The following DLG2 variants were observed in gnomAD, a reference collection of about 807,000 sequenced individuals.
DLG2 encodes disks large homolog 2.
DLG2 carries 45 observed loss-of-function variants against 132.5 expected under a neutral mutation model. The observed-to-expected ratio is 0.34, with a 90% confidence interval of 0.27 to 0.44. The LOEUF (loss-of-function observed/expected upper bound fraction) is 0.44. DLG2 is among the 20% of genes least tolerant of loss of function. The pLI is 1.00. For synonymous variants in DLG2, 424 were observed against 419.6 expected, an observed-to-expected ratio of 1.01 and a Z score of -0.13; for missense variants, 1,045 against 1,196.9, an observed-to-expected ratio of 0.87 and a Z score of 1.87.
intron 7 of DLG2, among the ~76,000 whole-genome samples, chr11:84,475,482 T>C (rs1039856127): frequency 6.6e-6 from 1 of 152,078 alleles, no homozygotes; most frequent in Non-Finnish European, 1.5e-5. Flanking sequence ...AATAAAGTGG[T>C]CCCAGGGCTG....
At chr11:84,094,514 C>A (rs1010222282) in intron 10 of DLG2, among the ~76,000 whole-genome samples, 3 of 152,118 alleles carry the variant, frequency 2.0e-5, no homozygotes, top group African/African-American at 7.2e-5. Context: ...GTCTGTTGGG[C>A]TATTATAAAA....
At chr11:84,515,738 C>A (rs1394883545) in intron 7 of DLG2, among the ~76,000 whole-genome samples, 4 of 151,728 alleles carry the variant, frequency 2.6e-5, no homozygotes, top group Non-Finnish European at 5.9e-5. Context: ...TCAAATGGAC[C>A]TAAAAGACAT....
In DLG2 at chr11:85,521,850, A is replaced by G. The variant is rs138260110; in HGVS notation, c.40+76807T>C. 7.4e-4 allele frequency among the ~76,000 whole-genome samples: 112 copies of G among 152,258 alleles called. 2 individuals are homozygous for G. The Middle Eastern group carries it at 0.014, about 18-fold the overall frequency. On this transcript the variant is annotated intron_variant, in intron 3 of 27. Coordinates refer to ENST00000376104, the MANE Select transcript of DLG2 (RefSeq NM_001142699.3). ...TTAAACTTGACAGGAATAATTTAGG[A>G]TATCTGGCAGAACACATTTCTAAGT...
At chr11:84,998,297 T>A (rs895558450) in intron 6 of DLG2, among the ~76,000 whole-genome samples, 2 of 152,100 alleles carry the variant, frequency 1.3e-5, no homozygotes, top group African/African-American at 4.8e-5. Flanking sequence ...TCCCCCATCC[T>A]GTCCTCATGA....
chr11:84,472,166 C>T (rs764239582), intron 7 of DLG2, among the ~76,000 whole-genome samples: 4 of 151,762 alleles, frequency 2.6e-5, no homozygotes, highest in Admixed American at 2.6e-4. Flanking sequence ...TATCTTATGG[C>T]TACAATCCCA....
chr11:84,644,603 G>A (rs1209242234), intron 6 of DLG2, among the ~76,000 whole-genome samples: 1 of 151,866 alleles, frequency 6.6e-6, no homozygotes, highest in South Asian at 2.1e-4. Context: ...CTGCTTGGGA[G>A]GCTGAGGTAG....
chr11:85,061,211 G>C (rs2064096915), intron 6 of DLG2, among the ~76,000 whole-genome samples: 1 of 151,700 alleles, frequency 6.6e-6, no homozygotes, highest in Admixed American at 6.6e-5. Context: ...TTGCTGTGCA[G>C]AAGCTTTATA....
chr11:84,544,726 G>C (rs1014204266), intron 6 of DLG2, among the ~76,000 whole-genome samples: 8 of 152,144 alleles, frequency 5.3e-5, no homozygotes, highest in Non-Finnish European at 5.9e-5. Flanking sequence ...TACAAAGATT[G>C]AATGAGATGC....
intron 15 of DLG2, among the ~76,000 whole-genome samples, chr11:83,879,873 T>A (rs564245768): frequency 6.6e-6 from 1 of 152,308 alleles, no homozygotes; most frequent in South Asian, 2.1e-4. Flanking sequence ...CATGTCCAAA[T>A]AACATGGATA....
At chr11:83,516,418 C>G (rs1209082279) in intron 21 of DLG2, among the ~76,000 whole-genome samples, 1 of 152,138 alleles carries the variant, frequency 6.6e-6, no homozygotes, top group Non-Finnish European at 1.5e-5. Flanking sequence ...CTATGTGTGT[C>G]TCTGCACATA....
intron 6 of DLG2, among the ~76,000 whole-genome samples, chr11:84,888,028 C>A (rs550826197): frequency 1.3e-5 from 2 of 152,226 alleles, no homozygotes; most frequent in East Asian, 3.9e-4. Flanking sequence ...ACAACAACAA[C>A]AATACTGTGG....
intron 18 of DLG2, among the ~76,000 whole-genome samples, chr11:83,740,603 A>G (rs190305057): frequency 2.3e-4 from 35 of 152,320 alleles, no homozygotes; most frequent in Admixed American, 1.2e-3. Flanking sequence ...CATAAGCTGT[A>G]TACTTCTGAT....
intron 6 of DLG2, among the ~76,000 whole-genome samples, chr11:84,942,813 G>A (rs564462344): frequency 6.6e-6 from 1 of 152,108 alleles, no homozygotes; most frequent in Non-Finnish European, 1.5e-5. Context: ...TGCTGAAAGT[G>A]GGGTGTTGAG....
At chr11:83,926,401 T>C (rs902494267) in intron 15 of DLG2, among the ~76,000 whole-genome samples, 2 of 152,270 alleles carry the variant, frequency 1.3e-5, no homozygotes, top group East Asian at 1.9e-4. Context: ...GTTTCTGGAA[T>C]AGACTTCAGG....
At chr11:84,043,915 A>G (rs2096171413) in intron 11 of DLG2, among the ~76,000 whole-genome samples, 1 of 151,588 alleles carries the variant, frequency 6.6e-6, no homozygotes, top group South Asian at 2.1e-4. Flanking sequence ...TTTTAATTGA[A>G]TTTATTTTAA....
chr11:85,173,750 A>C (rs994105018), intron 4 of DLG2, among the ~76,000 whole-genome samples: 1 of 152,224 alleles, frequency 6.6e-6, no homozygotes, highest in Admixed American at 6.5e-5. Flanking sequence ...AAAGACACAC[A>C]TAGGCTCAAA....
intron 10 of DLG2, among the ~76,000 whole-genome samples, chr11:84,085,591 G>A (rs1223537966): frequency 6.6e-6 from 1 of 152,206 alleles, no homozygotes; most frequent in African/African-American, 2.4e-5. Context: ...CCAAGATCCT[G>A]TATAGGACTC....
chr11:85,585,654 T>C (rs921199009), intron 3 of DLG2, among the ~76,000 whole-genome samples: 2 of 152,184 alleles, frequency 1.3e-5, no homozygotes, highest in African/African-American at 4.8e-5. Context: ...ATGCTTTTTC[T>C]CCATCTATTG....
intron 5 of DLG2, among the ~76,000 whole-genome samples, chr11:85,112,742 A>G (rs938402962): frequency 3.9e-5 from 6 of 152,060 alleles, no homozygotes; most frequent in African/African-American, 1.2e-4. Flanking sequence ...CTAAAACTCA[A>G]CCTACTAGAC....
Sources: allele counts gnomAD v4.1 joint callset (sites outside exome capture counted in the v4.1 genomes callset), GRCh38; gene constraint gnomAD v4.1.1; transcripts MANE v1.5; gene names NCBI Gene and HGNC (gene_info 2026-07-23, HGNC 2026-07-21).